MTUS2: variants seen among roughly 807,000 people sequenced by gnomAD.
The protein encoded by MTUS2 is microtubule associated scaffold protein 2, also known as microtubule-associated tumor suppressor candidate 2.
A neutral mutation model predicts 114.1 loss-of-function variants in MTUS2; 40 were observed. The observed-to-expected ratio is 0.35, with a 90% CI of 0.27 to 0.46. MTUS2 has a LOEUF of 0.46. Ranked by LOEUF, MTUS2 falls within the 20% of genes least tolerant of loss-of-function variation. MTUS2 has a pLI of 1.00. For synonymous variants in MTUS2, 688 were observed against 672.0 expected (o/e 1.02, Z -0.37); for missense variants, 1,679 against 1,705.4 (o/e 0.98, Z 0.27).
intron 4 of MTUS2, among the ~76,000 whole-genome samples, chr13:29,044,469 T>C (rs1887519908): frequency 6.6e-6 from 1 of 152,212 alleles, no homozygotes; most frequent in African/African-American, 2.4e-5. Flanking sequence ...ATCTGTTTTA[T>C]ATGGTTTTCA....
chr13:29,244,726 G>A (rs1334168990), intron 5 of MTUS2, among the ~76,000 whole-genome samples: 7 of 151,888 alleles, frequency 4.6e-5, no homozygotes, highest in Non-Finnish European at 8.8e-5. Flanking sequence ...GGAGGCCGAG[G>A]CGGGCGGATC....
At chr13:29,183,954 TA>T (rs1894113672) in intron 5 of MTUS2, among the ~76,000 whole-genome samples, 1 of 152,182 alleles carries the variant, frequency 6.6e-6, no homozygotes, top group Non-Finnish European at 1.5e-5. Flanking sequence ...TATTTAAACA[TA>T]AAAAGTTAAC....
intron 5 of MTUS2, among the ~76,000 whole-genome samples, chr13:29,175,134 A>G (rs1191366343): frequency 6.6e-6 from 1 of 152,230 alleles, no homozygotes; most frequent in Non-Finnish European, 1.5e-5. Flanking sequence ...TGCATTTTTT[A>G]TTACAAGCTG....
intron 5 of MTUS2, among the ~76,000 whole-genome samples, chr13:29,135,358 T>C (rs1433627670): frequency 6.6e-6 from 1 of 152,224 alleles, no homozygotes; most frequent in African/African-American, 2.4e-5. Context: ...CTGCTCTCTT[T>C]TGGTTACTGT....
At chr13:29,154,736 T>C (rs1892790443) in intron 5 of MTUS2, among the ~76,000 whole-genome samples, 1 of 152,242 alleles carries the variant, frequency 6.6e-6, no homozygotes, top group Non-Finnish European at 1.5e-5. Flanking sequence ...CTTGAAATTA[T>C]TTCATATGGC....
At chr13:29,315,376 T>C (rs1459300728) in intron 6 of MTUS2, among the ~76,000 whole-genome samples, 2 of 152,220 alleles carry the variant, frequency 1.3e-5, no homozygotes, top group Non-Finnish European at 2.9e-5. Context: ...ATGCTAGTTA[T>C]CCCAATTTGA....
Position 29,465,692 on chromosome 13 carries a change from G to A in MTUS2, c.3185-14458G>A, listed in dbSNP as rs148376201. On this transcript the variant is annotated intron_variant, in intron 9 of 15. Transcript: ENST00000612955. ...CACGTCCCAAAACTCCTCAGTCCCT[G>A]CTTGTTCCACTTGACCATCAGTGAC... Among the ~76,000 whole-genome samples, 806 of 152,152 alleles carry A rather than the reference G, an allele frequency of 5.3e-3. 6 individuals carry two copies. Among genetic ancestry groups the A allele is most frequent in the African/African-American group, 0.018 (747 of 41,500 alleles).
intron 2 of MTUS2, among the ~76,000 whole-genome samples, chr13:29,006,676 G>T (rs1373143418): frequency 1.3e-5 from 2 of 152,142 alleles, no homozygotes; most frequent in Non-Finnish European, 2.9e-5. Flanking sequence ...GTTTTTGTTT[G>T]TTCATTTGTT....
At chr13:29,273,309 A>C (rs1291342703) in intron 5 of MTUS2, among the ~76,000 whole-genome samples, 3 of 152,198 alleles carry the variant, frequency 2.0e-5, no homozygotes, top group Non-Finnish European at 1.5e-5. Flanking sequence ...GGTTTCAGGA[A>C]TGCTTTTTTA....
Position 29,026,086 on chromosome 13 carries a change from A to G in MTUS2, c.1388A>G (p.Asn463Ser). 1 of 1,614,012 alleles carries G rather than the reference A, an allele frequency of 6.2e-7. No homozygotes were observed. Among genetic ancestry groups the G allele is most frequent in the Non-Finnish European group, 8.5e-7 (1 of 1,179,888 alleles). The part of the protein sequence containing the change: ...IEEERRLGSG[N>S]KDSVMVLVFN... ...GAGGAAAGGCGGTTGGGCAGTGGGAATAAGGACAGTGTTATGGTTTTGGTG... is the reference window on the plus strand; with the variant it reads ...GAGGAAAGGCGGTTGGGCAGTGGGAGTAAGGACAGTGTTATGGTTTTGGTG... The change falls in exon 3 of 16, where the codon AAT becomes AGT. Residue 463 changes from asparagine to serine, a missense_variant. Physicochemically the swap from Asn to Ser is conservative, Grantham distance 46. Transcript: ENST00000612955.
At chr13:29,385,290 C>G (rs1434247294) in intron 8 of MTUS2, among the ~76,000 whole-genome samples, 3 of 152,200 alleles carry the variant, frequency 2.0e-5, no homozygotes, top group Non-Finnish European at 4.4e-5. Flanking sequence ...AGCTCTGTGG[C>G]CTGTCCCTGC....
chr13:29,416,299 C>G (rs1314322622), intron 8 of MTUS2, among the ~76,000 whole-genome samples: 2 of 151,922 alleles, frequency 1.3e-5, no homozygotes, highest in African/African-American at 4.8e-5. Context: ...ATTTTACTCT[C>G]TTTATTCTGT....
chr13:29,183,291 T>C (rs1291274670), intron 5 of MTUS2, among the ~76,000 whole-genome samples: 1 of 151,764 alleles, frequency 6.6e-6, no homozygotes, highest in African/African-American at 2.4e-5. Context: ...AAGTCAACGA[T>C]GATGACCAGG....
At chr13:29,010,125 C>A in intron 2 of MTUS2, among the ~76,000 whole-genome samples, 1 of 151,120 alleles carries the variant, frequency 6.6e-6, no homozygotes, top group Middle Eastern at 3.4e-3. Flanking sequence ...GCAGGAGAAT[C>A]GCTGGAACCC....
At chr13:29,498,276 G>T (rs1250753254) in intron 13 of MTUS2, 142 bp from the exon 14 acceptor site, 11 of 1,201,966 alleles carry the variant, frequency 9.2e-6, no homozygotes, top group Admixed American at 6.9e-5. Flanking sequence ...GGAAGGCTGT[G>T]AGCATCCTCT....
At chr13:29,158,934 AG>A (rs1317125193) in intron 5 of MTUS2, among the ~76,000 whole-genome samples, 21 of 152,218 alleles carry the variant, frequency 1.4e-4, no homozygotes, top group Admixed American at 1.4e-3. Flanking sequence ...AGCAGAGCCC[AG>A]GAACGGGAGG....
chr13:29,388,859 A>G (rs1340479663), intron 8 of MTUS2, among the ~76,000 whole-genome samples: 5 of 152,002 alleles, frequency 3.3e-5, no homozygotes, highest in South Asian at 2.1e-4. Context: ...TGATGGGCCC[A>G]TTCTCAACTT....
At chr13:29,327,338 C>T (rs370192453) in intron 7 of MTUS2, among the ~76,000 whole-genome samples, 1 of 152,120 alleles carries the variant, frequency 6.6e-6, no homozygotes. Context: ...TGCAAGATAA[C>T]ACACATGTCC....
chr13:28,831,932 A>AT (rs556746551), intron 1 of MTUS2, among the ~76,000 whole-genome samples: 15,641 of 144,342 alleles, frequency 0.11, 918 homozygotes, highest in South Asian at 0.2. Context: ...ATTTTTTTGT[A>AT]TTTTTTTTTT....
Sources: gnomAD v4.1 joint callset for allele counts (sites outside exome capture counted in the v4.1 genomes callset) on GRCh38, gnomAD v4.1.1 for gene constraint, MANE v1.5 for transcripts, NCBI Gene and HGNC (gene_info 2026-07-23, HGNC 2026-07-21) for gene names.